Variants in KLF6 observed in about 807,000 individuals in gnomAD.
KLF6 encodes Krueppel-like factor 6.
For synonymous variants in KLF6, 152 were observed against 147.9 expected (o/e 1.03, Z -0.20); for missense variants, 233 against 359.8 (o/e 0.65, Z 2.85).
rs1832467006 is a variant in KLF6 at position 3,779,257 on chromosome 10, T to C, written c.*282A>G. The C allele has an allele frequency of 3.3e-6, 2 of 610,574 alleles. No individual in the cohort carries two copies. Among genetic ancestry groups the C allele is most frequent in the Non-Finnish European group, 3.1e-6 (1 of 326,794 alleles). The allele number at this position is 610,574 out of a possible 1,614,324, so 37.8% of individuals were successfully genotyped here. On this transcript the variant is annotated 3_prime_UTR_variant, in exon 4 of 4. Coordinates refer to ENST00000497571, the MANE Select transcript of KLF6 (RefSeq NM_001300.6). ...CTCAACATACAATCAACCCAACCAT[T>C]AGCATTCTCAGTGTGCATGCTCACG...
chr10:3,781,843 A>C lies in KLF6; in HGVS notation c.474T>G (p.Pro158=). 6.2e-7 allele frequency: 1 copy of C among 1,614,238 alleles called. No homozygotes were observed. Among genetic ancestry groups the C allele is most frequent in the Non-Finnish European group, 8.5e-7 (1 of 1,180,038 alleles). The stretch of plus-strand genomic sequence containing the variant: ...CGGGCACGCAACCCCACAGTTGAGA[A>C]GGTTCCCTGCTCAGTTCCGGAGAAG... ...PPSSPELSRE[P]SQLWGCVPGE... is the part of the protein sequence containing the mutation. The change falls in exon 2 of 4, where the codon CCT becomes CCG. Residue 158 remains proline (P), a synonymous_variant. Coordinates refer to ENST00000497571, the MANE Select transcript of KLF6 (RefSeq NM_001300.6). This position sits in a 1 kb window ranked among gnomAD's most constrained non-coding sequence, Gnocchi z 5.8.
At position 3,776,594 on chromosome 10, in the gene KLF6, A is replaced by G. The variant is rs1025814065; in HGVS notation, c.*2945T>C. The stretch of plus-strand genomic sequence containing the variant: ...TTTATGTTATTCCAATAAAAAATAC[A>G]TTCATACAGAAATATAACAATCTTG... On this transcript the variant is annotated 3_prime_UTR_variant, in exon 4 of 4. Coordinates refer to ENST00000497571, the MANE Select transcript of KLF6 (RefSeq NM_001300.6). 1 of 516,176 alleles carries G rather than the reference A, an allele frequency of 1.9e-6. No individual in the cohort carries two copies. Among genetic ancestry groups the G allele is most frequent in the Non-Finnish European group, 3.7e-6 (1 of 267,436 alleles). 32.0% of individuals were successfully genotyped at this position (516,176 alleles called of 1,614,324 possible). A position where few individuals can be genotyped will look rare whatever the true frequency, so the allele number is the denominator to read the frequency against.
In KLF6 at chr10:3,782,053, G is replaced by C. The variant is rs775004517; in HGVS notation, c.264C>G (p.Asp88Glu). ...AACAAAAGCTCGGGCTGATGAGAGT[G>C]TCCTCTGGAGGACTGGAAGATATCT... ...ELKISSSPPE[D>E]TLISPSFCYN... Residue 88 changes from aspartate to glutamate, a missense_variant, in exon 2 of 4, where the codon GAC becomes GAG. Coordinates refer to ENST00000497571, the MANE Select transcript of KLF6 (RefSeq NM_001300.6). This position sits in a 1 kb window ranked among gnomAD's most constrained non-coding sequence, Gnocchi z 4.3. The C allele has an allele frequency of 1.9e-6, 3 of 1,614,218 alleles. No individual in the cohort carries two copies. The South Asian group carries it at 3.3e-5, about 18-fold the overall frequency.
chr10:3,780,310 T>G lies in KLF6; in HGVS notation c.677-81A>C. 1 of 1,568,632 alleles carries G rather than the reference T, an allele frequency of 6.4e-7. No individual in the cohort carries two copies. Among genetic ancestry groups the G allele is most frequent in the Non-Finnish European group, 8.7e-7 (1 of 1,148,752 alleles). The stretch of plus-strand genomic sequence containing the variant: ...AGGGGAAATTCAACAACACACACAG[T>G]GGTGGGATGCAAGGCCAGGGACCCA... On this transcript the variant is annotated intron_variant, in intron 2 of 3. Transcript: ENST00000497571. The surrounding 1 kb of genome is among the most constrained non-coding windows in gnomAD (Gnocchi z 4.6).
chr10:3,777,901 G>A lies in KLF6; in HGVS notation c.*1638C>T, dbSNP rs1832429875. The stretch of plus-strand genomic sequence containing the variant: ...GATATGTGAAACTTGTGCCTTTTAA[G>A]CAAATACATTAACATTGGGGGTTTT... On this transcript the variant is annotated 3_prime_UTR_variant, in exon 4 of 4. Coordinates refer to ENST00000497571, the MANE Select transcript of KLF6 (RefSeq NM_001300.6). 1 of 491,750 alleles carries A rather than the reference G, an allele frequency of 2.0e-6. No individual in the cohort carries two copies. The allele number at this position is 491,750 out of a possible 1,614,324, so 30.5% of individuals were successfully genotyped here.
Position 3,778,121 on chromosome 10 carries a change from T to A in KLF6, c.*1418A>T, listed in dbSNP as rs761220891. The A allele has an allele frequency of 2.5e-5, 13 of 517,190 alleles. No individual in the cohort carries two copies. The highest frequency in any genetic ancestry group is 4.1e-5 in the Non-Finnish European group (11 of 265,592). 32.0% of individuals were successfully genotyped at this position (517,190 alleles called of 1,614,324 possible). A position where few individuals can be genotyped will look rare whatever the true frequency, so the allele number is the denominator to read the frequency against. ...CTAAAGTGTTGAACAAATACTGACA[T>A]GTAAAGGGAGTTTCACTCTATGTCT... is the stretch of plus-strand genomic sequence containing the variant. On this transcript the variant is annotated 3_prime_UTR_variant, in exon 4 of 4. Transcript: ENST00000497571.
Position 3,781,578 on chromosome 10 carries a change from G to A in KLF6, c.676+63C>T, listed in dbSNP as rs766367394. On this transcript the variant is annotated intron_variant, in intron 2 of 3. Coordinates refer to ENST00000497571, the MANE Select transcript of KLF6 (RefSeq NM_001300.6). The surrounding 1 kb of genome is among the most constrained non-coding windows in gnomAD (Gnocchi z 5.8). ...GTGCAGCCAGGCCCGGCTCCCTCCA[G>A]GGCTGGTGCAATGCAGTGGCGCCCA... 14 of 1,597,796 alleles carry A rather than the reference G, an allele frequency of 8.8e-6. No individual in the cohort carries two copies. The highest frequency in any genetic ancestry group is 1.3e-5 in the African/African-American group (1 of 74,506).
intron 3 of KLF6, among the ~76,000 whole-genome samples, chr10:3,779,836 A>T (rs1185336168): frequency 1.3e-5 from 2 of 152,222 alleles, no homozygotes; most frequent in Non-Finnish European, 2.9e-5. Context: ...TTCATTTCTA[A>T]TTCTTCAAAT....
At chr10:3,783,038 C>G (rs1010282301) in intron 1 of KLF6, among the ~76,000 whole-genome samples, 2 of 152,186 alleles carry the variant, frequency 1.3e-5, no homozygotes, top group African/African-American at 4.8e-5. Flanking sequence ...CCACAATGAA[C>G]AAGAACTTTA....
rs754770549 is a variant in KLF6, at chr10:3,777,608, A to C, written c.*1931T>G. 1 of 507,106 alleles carries C rather than the reference A, an allele frequency of 2.0e-6. No individual in the cohort carries two copies. The highest frequency in any genetic ancestry group is 3.9e-6 in the Non-Finnish European group (1 of 259,272). The allele number at this position is 507,106 out of a possible 1,614,324, so 31.4% of individuals were successfully genotyped here. On this transcript the variant is annotated 3_prime_UTR_variant, in exon 4 of 4. Coordinates refer to ENST00000497571, the MANE Select transcript of KLF6 (RefSeq NM_001300.6). The stretch of plus-strand genomic sequence containing the variant: ...AAGTCCTCCGCACATCGTTAAATTA[A>C]AGATAAAGCCTCTATAAAAGTTAGG...
Position 3,779,369 on chromosome 10 carries a change from G to A in KLF6, c.*170C>T, listed in dbSNP as rs17731. The A allele has an allele frequency of 0.34, 235,094 of 697,650 alleles. 43,348 individuals are homozygous for A. Among genetic ancestry groups the A allele is most frequent in the East Asian group, 0.51 (18,817 of 36,644 alleles). 43.2% of individuals were successfully genotyped at this position (697,650 alleles called of 1,614,324 possible). A position where few individuals can be genotyped will look rare whatever the true frequency, so the allele number is the denominator to read the frequency against. On this transcript the variant is annotated 3_prime_UTR_variant, in exon 4 of 4. Coordinates refer to ENST00000497571, the MANE Select transcript of KLF6 (RefSeq NM_001300.6). ...TACCATGCACCACGGGTGCTATGCC[G>A]CTTCTTACAGGACCTTTTTAGCCCT...
chr10:3,782,456 T>C lies in KLF6; in HGVS notation c.103-242A>G, dbSNP rs748418282. The stretch of plus-strand genomic sequence containing the variant: ...GTGAAACCTCTCCTGGCTTTCCCAA[T>C]GTTGGGCCAAGGGCCACAATGAGTG... On this transcript the variant is annotated intron_variant, in intron 1 of 3. Transcript: ENST00000497571. This position sits in a 1 kb window ranked among gnomAD's most constrained non-coding sequence, Gnocchi z 4.3. Among the ~76,000 whole-genome samples, 2 of 152,238 alleles carry C rather than the reference T, an allele frequency of 1.3e-5. No individual in the cohort carries two copies. The highest frequency in any genetic ancestry group is 2.9e-5 in the Non-Finnish European group (2 of 68,042).
chr10:3,782,366 G>T lies in KLF6; in HGVS notation c.103-152C>A. 1 of 700,318 alleles carries T rather than the reference G, an allele frequency of 1.4e-6. No individual in the cohort carries two copies. The highest frequency in any genetic ancestry group is 2.5e-6 in the Non-Finnish European group (1 of 392,226). 43.4% of individuals were successfully genotyped at this position (700,318 alleles called of 1,614,324 possible). ...AAACCTTTTGTAATTAAGCATCCGT[G>T]TCCTTACGGAAGTTAGAGGAAATCT... On this transcript the variant is annotated intron_variant, in intron 1 of 3. Coordinates refer to ENST00000497571, the MANE Select transcript of KLF6 (RefSeq NM_001300.6). This position sits in a 1 kb window ranked among gnomAD's most constrained non-coding sequence, Gnocchi z 4.3.
rs983990781 is a variant in KLF6, at chr10:3,776,189, C to T, written c.*3350G>A. 2.6e-5 allele frequency: 14 copies of T among 531,604 alleles called. No individual in the cohort carries two copies. The highest frequency in any genetic ancestry group is 1.7e-4 in the African/African-American group (9 of 53,680). The allele number at this position is 531,604 out of a possible 1,614,324, so 32.9% of individuals were successfully genotyped here. On this transcript the variant is annotated 3_prime_UTR_variant, in exon 4 of 4. Coordinates refer to ENST00000497571, the MANE Select transcript of KLF6 (RefSeq NM_001300.6). ...GCGGAACTGGAGCAGGCTGTGGAGG[C>T]ACAGAAGTGGCAGGGAAACACTCAA...
At chr10:3,784,083 AACAGC>A (rs1832593523) in intron 1 of KLF6, among the ~76,000 whole-genome samples, 1 of 152,198 alleles carries the variant, frequency 6.6e-6, no homozygotes, top group South Asian at 2.1e-4. Context: ...ACGAAAAACA[AACAGC>A]ACAGCAGGGC....
At chr10:3,784,839 C>G in intron 1 of KLF6, 74 bp downstream of exon 1, 1 of 1,417,904 alleles carries the variant, frequency 7.1e-7, no homozygotes, top group South Asian at 1.3e-5. Flanking sequence ...CAGAGAGCAC[C>G]GGGTCTGAAC....
At position 3,778,596 on chromosome 10, in the gene KLF6, G is replaced by A. The variant is rs759349974; in HGVS notation, c.*943C>T. ...ATCCTGTGTTGCACAATGCCTTTCT[G>A]GAAGGGGAGTGTTACAAACTTGGAG... On this transcript the variant is annotated 3_prime_UTR_variant, in exon 4 of 4. Coordinates refer to ENST00000497571, the MANE Select transcript of KLF6 (RefSeq NM_001300.6). 9 of 514,000 alleles carry A rather than the reference G, an allele frequency of 1.8e-5. No individual in the cohort carries two copies. Among genetic ancestry groups the A allele is most frequent in the East Asian group, 8.3e-5 (2 of 24,080 alleles). The allele number at this position is 514,000 out of a possible 1,614,324, so 31.8% of individuals were successfully genotyped here.
Position 3,777,145 on chromosome 10 carries a change from T to C in KLF6, c.*2394A>G, listed in dbSNP as rs1186241378. On this transcript the variant is annotated 3_prime_UTR_variant, in exon 4 of 4. Transcript: ENST00000497571. ...CAGCCCAGATAAAAAAAAAACCAGT[T>C]ATGTGAGCGTTAGTCACTGCTCATT... is the stretch of plus-strand genomic sequence containing the variant. The C allele has an allele frequency of 2.0e-6, 1 of 511,892 alleles. No homozygotes were observed. Among genetic ancestry groups the C allele is most frequent in the Non-Finnish European group, 3.8e-6 (1 of 262,614 alleles). 31.7% of individuals were successfully genotyped at this position (511,892 alleles called of 1,614,324 possible).
In KLF6 at chr10:3,777,919, G is replaced by A. The variant is rs1832430308; in HGVS notation, c.*1620C>T. On this transcript the variant is annotated 3_prime_UTR_variant, in exon 4 of 4. Coordinates refer to ENST00000497571, the MANE Select transcript of KLF6 (RefSeq NM_001300.6). ...CTTTTAAGCAAATACATTAACATTG[G>A]GGGTTTTTTAATACTTCTGTATCTT... is the stretch of plus-strand genomic sequence containing the variant. 1 of 492,122 alleles carries A rather than the reference G, an allele frequency of 2.0e-6. No homozygotes were observed. The highest frequency in any genetic ancestry group is 1.9e-5 in the African/African-American group (1 of 51,450). 30.5% of individuals were successfully genotyped at this position (492,122 alleles called of 1,614,324 possible).
Sources: allele counts gnomAD v4.1 joint callset (sites outside exome capture counted in the v4.1 genomes callset), GRCh38; gene constraint gnomAD v4.1.1; non-coding constraint Gnocchi (gnomAD v3.1); transcripts MANE v1.5; gene names NCBI Gene and HGNC (gene_info 2026-07-23, HGNC 2026-07-21).